Variants in CDH4 observed in about 807,000 individuals in gnomAD.
The protein encoded by CDH4 is cadherin-4.
Under a neutral mutation model 86.0 loss-of-function variants are expected in CDH4, and 33 were observed. The observed-to-expected ratio is 0.38, with a 90% CI of 0.29 to 0.51. CDH4 has a LOEUF of 0.51. CDH4 is among the 20% of genes least tolerant of loss of function. CDH4 has a pLI of 0.86. For missense variants in CDH4, 1,114 were observed against 1,307.4 expected (o/e 0.85, Z 2.28); for synonymous variants, 555 against 549.4 (o/e 1.01, Z -0.14).
chr20:61,812,850 A>G lies in CDH4; in HGVS notation c.577-31818A>G, dbSNP rs752606233. 2.0e-5 allele frequency among the ~76,000 whole-genome samples: 3 copies of G among 152,298 alleles called. 1 individual carries two copies. The highest frequency in any genetic ancestry group is 7.2e-5 in the African/African-American group (3 of 41,570). ...CTCTCCAGGCCATGACAGCCATGCA[A>G]GCTTCTTCCTGCAGGCCACCTGCAC... On this transcript the variant is annotated intron_variant, in intron 4 of 15. Coordinates refer to ENST00000614565, the MANE Select transcript of CDH4 (RefSeq NM_001794.5).
At chr20:61,903,697 G>A (rs944571977) in intron 8 of CDH4, among the ~76,000 whole-genome samples, 1 of 152,164 alleles carries the variant, frequency 6.6e-6, no homozygotes, top group Non-Finnish European at 1.5e-5. Flanking sequence ...AGACAAGCAG[G>A]GTATGGGGCC....
At chr20:61,887,410 C>T (rs1441112916) in intron 7 of CDH4, among the ~76,000 whole-genome samples, 1 of 152,176 alleles carries the variant, frequency 6.6e-6, no homozygotes, top group Non-Finnish European at 1.5e-5. Flanking sequence ...ACACAACACG[C>T]ATGCACATCC....
intron 7 of CDH4, among the ~76,000 whole-genome samples, chr20:61,885,693 G>C (rs1477234072): frequency 6.6e-6 from 1 of 152,176 alleles, no homozygotes; most frequent in African/African-American, 2.4e-5. Flanking sequence ...TGACTTGTGA[G>C]GACCCGCCAG....
rs2055196167 is a variant in CDH4 at position 61,936,784 on chromosome 20, C to A, written c.2592C>A (p.Ser864=). Residue 864 remains serine, a synonymous_variant, in exon 16 of 16, where the codon TCC becomes TCA. Transcript: ENST00000614565. ...DNDPTAPPYD[S]LLVFDYEGSG... ...ACCCCACGGCACCCCCCTATGACTCCCTGCTGGTCTTCGACTACGAGGGGA... is the reference window on the plus strand; with the variant it reads ...ACCCCACGGCACCCCCCTATGACTCACTGCTGGTCTTCGACTACGAGGGGA... The A allele has an allele frequency of 6.2e-7, 1 of 1,610,520 alleles. No individual in the cohort carries two copies. Among genetic ancestry groups the A allele is most frequent in the South Asian group, 1.1e-5 (1 of 90,596 alleles).
At chr20:61,314,436 T>C (rs1445907870) in intron 2 of CDH4, among the ~76,000 whole-genome samples, 1 of 152,242 alleles carries the variant, frequency 6.6e-6, no homozygotes, top group East Asian at 1.9e-4. Flanking sequence ...GTTGTTGAAA[T>C]GCCAGGATTT....
intron 2 of CDH4, among the ~76,000 whole-genome samples, chr20:61,661,865 T>G (rs988177635): frequency 6.6e-6 from 1 of 152,166 alleles, no homozygotes; most frequent in Non-Finnish European, 1.5e-5. Flanking sequence ...GATCCCCATT[T>G]AAATGACCTC....
At chr20:61,333,589 G>A (rs886619093) in intron 2 of CDH4, among the ~76,000 whole-genome samples, 1 of 152,192 alleles carries the variant, frequency 6.6e-6, no homozygotes, top group African/African-American at 2.4e-5. Context: ...TGGTGTGTGT[G>A]GCTGACCCTC....
In CDH4 at chr20:61,518,421, CCATCTGTCATCCACTCATCATCCAT is replaced by C. The variant is rs1389655563; in HGVS notation, c.170-225137_170-225113del. On this transcript the variant is annotated intron_variant, in intron 2 of 15. Transcript: ENST00000614565. This position sits in a 1 kb window ranked among gnomAD's most constrained non-coding sequence, Gnocchi z 6.3. ...CTGTTATGATGAGGCTGTCCATCAT[CCATCTGTCATCCACTCATCATCCAT>C]CATCCGTCATCCACCCATCGTCCAT... Among the ~76,000 whole-genome samples, 1 of 152,186 alleles carries C rather than the reference CCATCTGTCATCCACTCATCATCCAT, an allele frequency of 6.6e-6. No individual in the cohort carries two copies. The highest frequency in any genetic ancestry group is 1.5e-5 in the Non-Finnish European group (1 of 68,018).
intron 4 of CDH4, among the ~76,000 whole-genome samples, chr20:61,778,500 T>C (rs1978365761): frequency 6.6e-6 from 1 of 152,012 alleles, no homozygotes. Flanking sequence ...ATAGGTAACC[T>C]ACTTGTAGAG....
intron 8 of CDH4, among the ~76,000 whole-genome samples, chr20:61,901,502 G>A (rs900761650): frequency 5.3e-5 from 8 of 152,360 alleles, no homozygotes; most frequent in African/African-American, 1.9e-4. Context: ...CCGTCGGGGG[G>A]CGCAGCAGAC....
At chr20:61,527,915 A>G (rs974014722) in intron 2 of CDH4, among the ~76,000 whole-genome samples, 28 of 152,218 alleles carry the variant, frequency 1.8e-4, no homozygotes, top group Admixed American at 3.9e-4. Context: ...CCCTTTCCGC[A>G]TCTTGCTCTG....
chr20:61,301,486 C>T (rs992976442), intron 2 of CDH4, among the ~76,000 whole-genome samples: 12 of 152,190 alleles, frequency 7.9e-5, no homozygotes, highest in Non-Finnish European at 1.5e-4. Flanking sequence ...CTCGATGCTT[C>T]GCGAGGCCTC....
intron 3 of CDH4, among the ~76,000 whole-genome samples, chr20:61,755,805 C>T (rs969616296): frequency 2.0e-5 from 3 of 152,140 alleles, no homozygotes; most frequent in Non-Finnish European, 4.4e-5. Context: ...CACACATTTA[C>T]ACGTACGCAC....
At chr20:61,883,346 A>C (rs1984382044) in intron 7 of CDH4, among the ~76,000 whole-genome samples, 1 of 152,150 alleles carries the variant, frequency 6.6e-6, no homozygotes, top group Non-Finnish European at 1.5e-5. Flanking sequence ...CCCTAGAGCC[A>C]TGCTTCCAAC....
At chr20:61,876,853 C>T (rs1432083562) in intron 7 of CDH4, among the ~76,000 whole-genome samples, 2 of 152,142 alleles carry the variant, frequency 1.3e-5, no homozygotes, top group Non-Finnish European at 2.9e-5. Flanking sequence ...GCTGGGAGGT[C>T]TGGGGTACTT....
chr20:61,380,569 T>C (rs1297738548), intron 2 of CDH4, among the ~76,000 whole-genome samples: 1 of 140,380 alleles, frequency 7.1e-6, no homozygotes, highest in Non-Finnish European at 1.5e-5. Flanking sequence ...CCTCGATCCA[T>C]CAAGATGTCA....
intron 3 of CDH4, among the ~76,000 whole-genome samples, chr20:61,751,578 A>G (rs1396428530): frequency 6.6e-6 from 1 of 151,906 alleles, no homozygotes; most frequent in Non-Finnish European, 1.5e-5. Context: ...TTTTTATTAT[A>G]AGAGCAGTGC....
At chr20:61,253,448 C>A (rs866579030) in intron 1 of CDH4, among the ~76,000 whole-genome samples, 23 of 152,048 alleles carry the variant, frequency 1.5e-4, no homozygotes, top group Admixed American at 9.2e-4. Context: ...GTTGCAGGAA[C>A]CCCCTCTCGT....
At chr20:61,606,680 G>A (rs2086648273) in intron 2 of CDH4, among the ~76,000 whole-genome samples, 1 of 152,272 alleles carries the variant, frequency 6.6e-6, no homozygotes, top group Non-Finnish European at 1.5e-5. Flanking sequence ...CCTCAGTTGT[G>A]TAGATTGGAG....
Sources: allele counts gnomAD v4.1 joint callset (sites outside exome capture counted in the v4.1 genomes callset), GRCh38; gene constraint gnomAD v4.1.1; non-coding constraint Gnocchi (gnomAD v3.1); transcripts MANE v1.5; gene names NCBI Gene and HGNC (gene_info 2026-07-23, HGNC 2026-07-21).